NOP58: variants seen among roughly 807,000 people sequenced by gnomAD.
The protein encoded by NOP58 is nucleolar protein 58.
In NOP58, 44 loss-of-function variants were observed where a neutral mutation model predicts 71.2. That is an observed-to-expected ratio of 0.62 (90% confidence interval 0.49 to 0.79). The LOEUF (loss-of-function observed/expected upper bound fraction) is 0.79, where lower values mean the gene tolerates loss of function less well. Among genes scored for constraint, NOP58 ranks in the 30% least tolerant of loss-of-function variants. NOP58 has a pLI of 0.00. For synonymous variants in NOP58, 228 were observed against 200.3 expected (o/e 1.14, Z -1.17); for missense variants, 538 against 620.2 (o/e 0.87, Z 1.41).
intron 9 of NOP58, chr2:202,293,204 G>C (rs1688933136): frequency 1.9e-6 from 1 of 527,726 alleles, no homozygotes; most frequent in Non-Finnish European, 3.7e-6. Context: ...GGATAAAACA[G>C]TTAACATTTT....
At chr2:202,282,792 G>A (rs1688727106) in intron 4 of NOP58, among the ~76,000 whole-genome samples, 1 of 152,014 alleles carries the variant, frequency 6.6e-6, no homozygotes, top group South Asian at 2.1e-4. Flanking sequence ...AACGAAAATG[G>A]GGTCCTTATA....
Position 202,275,231 on chromosome 2 carries a change from G to T in NOP58, c.122+42G>T, listed in dbSNP as rs1688573152. ...TCAATAATTTAGCAGTTAACATTTA[G>T]GGCTTGTTTTATTTTTTACATTTTT... is the stretch of plus-strand genomic sequence containing the variant. On this transcript the variant is annotated intron_variant, in intron 2 of 14. Coordinates refer to ENST00000264279, the MANE Select transcript of NOP58 (RefSeq NM_015934.5). 4.1e-6 allele frequency: 4 copies of T among 985,080 alleles called. No individual in the cohort carries two copies. The South Asian group carries it at 4.5e-5, about 11-fold the overall frequency. The allele number at this position is 985,080 out of a possible 1,614,324, so 61.0% of individuals were successfully genotyped here.
intron 6 of NOP58, among the ~76,000 whole-genome samples, chr2:202,289,225 A>G (rs1245957617): frequency 1.3e-5 from 2 of 152,228 alleles, no homozygotes; most frequent in African/African-American, 4.8e-5. Flanking sequence ...TGTTCATAAC[A>G]GTGTTATTTA....
chr2:202,302,699 A>G (rs1689114842), intron 13 of NOP58, among the ~76,000 whole-genome samples: 1 of 152,186 alleles, frequency 6.6e-6, no homozygotes, highest in African/African-American at 2.4e-5. Flanking sequence ...TGATTTTTAT[A>G]CATGACTTCA....
chr2:202,298,614 CAA>C (rs772182960), intron 12 of NOP58, among the ~76,000 whole-genome samples: 5 of 152,140 alleles, frequency 3.3e-5, no homozygotes, highest in Non-Finnish European at 7.3e-5. Flanking sequence ...GCCTGGGCAA[CAA>C]GAGCAAAACT....
intron 3 of NOP58, among the ~76,000 whole-genome samples, chr2:202,279,905 T>G (rs567018745): frequency 6.6e-6 from 1 of 152,236 alleles, no homozygotes; most frequent in Non-Finnish European, 1.5e-5. Context: ...GAGACTGTTC[T>G]GTACTGTCAA....
chr2:202,270,711 C>G (rs746790516), intron 1 of NOP58, among the ~76,000 whole-genome samples: 3 of 152,094 alleles, frequency 2.0e-5, no homozygotes, highest in Non-Finnish European at 4.4e-5. Context: ...GATTGAGCCT[C>G]TGCACTTTAG....
At chr2:202,271,624 G>T (rs181726880) in intron 1 of NOP58, among the ~76,000 whole-genome samples, 1 of 151,934 alleles carries the variant, frequency 6.6e-6, no homozygotes, top group Non-Finnish European at 1.5e-5. Context: ...AGTATGCACA[G>T]ATATTATGCA....
At chr2:202,293,977 T>C (rs190994331) in intron 9 of NOP58, among the ~76,000 whole-genome samples, 1 of 152,016 alleles carries the variant, frequency 6.6e-6, no homozygotes, top group Admixed American at 6.5e-5. Flanking sequence ...TTCATAGGTA[T>C]AGCTAAACTT....
chr2:202,279,859 A>G (rs1005816496), intron 3 of NOP58, among the ~76,000 whole-genome samples: 1 of 152,194 alleles, frequency 6.6e-6, no homozygotes, highest in Non-Finnish European at 1.5e-5. Flanking sequence ...TGAGAATTTA[A>G]AGTCAATTCC....
rs566892254 is a variant in NOP58 at position 202,265,763 on chromosome 2, C to T, written c.-179C>T. On this transcript the variant is annotated 5_prime_UTR_variant, in exon 1 of 15. Coordinates refer to ENST00000264279, the MANE Select transcript of NOP58 (RefSeq NM_015934.5). ...AGAAGGAGTAGCGCGTTCGTGCGTC[C>T]TAGTTCCAGTACAGCGTGGAGGGTT... is the stretch of plus-strand genomic sequence containing the variant. The T allele has an allele frequency of 8.1e-6, 5 of 619,980 alleles. No homozygotes were observed. The highest frequency in any genetic ancestry group is 2.9e-5 in the Admixed American group (1 of 34,738). 38.4% of individuals were successfully genotyped at this position (619,980 alleles called of 1,614,324 possible).
At chr2:202,269,863 A>AGG (rs1688488469) in intron 1 of NOP58, among the ~76,000 whole-genome samples, 3 of 152,256 alleles carry the variant, frequency 2.0e-5, no homozygotes, top group Non-Finnish European at 4.4e-5. Flanking sequence ...TGTGGTAGCC[A>AGG]TTAGTACGTA....
chr2:202,274,822 G>A (rs1688564858), intron 1 of NOP58, among the ~76,000 whole-genome samples: 1 of 152,090 alleles, frequency 6.6e-6, no homozygotes, highest in South Asian at 2.1e-4. Flanking sequence ...TCCAGCTACG[G>A]CCCAAGGCTG....
rs746854212 is a variant in NOP58, at chr2:202,293,040, C to G, written c.907+137C>G. The G allele has an allele frequency of 4.5e-6, 4 of 896,238 alleles. No homozygotes were observed. In the African/African-American group the frequency reaches 6.5e-5, roughly 15 times the overall value. 55.5% of individuals were successfully genotyped at this position (896,238 alleles called of 1,614,324 possible). On this transcript the variant is annotated intron_variant, in intron 9 of 14. Coordinates refer to ENST00000264279, the MANE Select transcript of NOP58 (RefSeq NM_015934.5). ...AAAGTAGATGATATGTGGGAGATCA[C>G]TAAGGGCCAAGTGTTCAATGATGAT... is the stretch of plus-strand genomic sequence containing the variant.
intron 1 of NOP58, among the ~76,000 whole-genome samples, chr2:202,269,411 A>G (rs1688477482): frequency 6.6e-6 from 1 of 151,482 alleles, no homozygotes; most frequent in African/African-American, 2.4e-5. Context: ...CCTGGCCTCA[A>G]GGTGCTGGGA....
chr2:202,275,010 C>A, intron 1 of NOP58, 103 bp from the exon 2 acceptor site: 2 of 468,376 alleles, frequency 4.3e-6, no homozygotes, highest in South Asian at 4.6e-5. Context: ...AAAGAAATAG[C>A]TTCTACACCT....
rs116291429 is a variant in NOP58, at chr2:202,278,881, T to C, written c.175+879T>C. 6.2e-3 allele frequency among the ~76,000 whole-genome samples: 938 copies of C among 152,248 alleles called. 5 individuals carry two copies. The highest frequency in any genetic ancestry group is 0.022 in the African/African-American group (896 of 41,556). On this transcript the variant is annotated intron_variant, in intron 3 of 14. Transcript: ENST00000264279. Reference sequence around the variant, plus strand: ...GAATCCAACTAAACATGCTGGAACATAACAGACCACCCTAACCTTGGCAGA... The same window carrying C: ...GAATCCAACTAAACATGCTGGAACACAACAGACCACCCTAACCTTGGCAGA...
chr2:202,281,936 T>C (rs1487075749), intron 3 of NOP58, among the ~76,000 whole-genome samples: 2 of 152,216 alleles, frequency 1.3e-5, no homozygotes. Flanking sequence ...GTTTATATTA[T>C]GGCAGAACTT....
intron 10 of NOP58, 91 bp downstream of exon 10, chr2:202,295,928 C>A: frequency 1.1e-6 from 1 of 940,104 alleles, no homozygotes; most frequent in Non-Finnish European, 1.5e-6. Context: ...CACATTAAAT[C>A]TTCTATTGTC....
Sources: gnomAD v4.1 joint callset for allele counts (sites outside exome capture counted in the v4.1 genomes callset) on GRCh38, gnomAD v4.1.1 for gene constraint, MANE v1.5 for transcripts, NCBI Gene and HGNC (gene_info 2026-07-23, HGNC 2026-07-21) for gene names.